The following PDS5A variants were observed in gnomAD, a reference collection of about 807,000 sequenced individuals.
PDS5A encodes the protein PDS5 cohesin associated factor A.
PDS5A carries 42 observed loss-of-function variants against 167.1 expected under a neutral mutation model. The ratio of observed to expected loss-of-function variants is 0.25; its 90% CI spans 0.20 to 0.33. PDS5A has a LOEUF of 0.33. Among genes scored for constraint, PDS5A ranks in the 10% least tolerant of loss-of-function variants. PDS5A has a pLI of 1.00. For missense variants in PDS5A, 1,033 were observed against 1,605.9 expected, an observed-to-expected ratio of 0.64 and a Z score of 6.10; for synonymous variants, 553 against 554.6, an observed-to-expected ratio of 1.00 and a Z score of 0.04.
At chr4:39,878,909 A>C (rs1178448248) in intron 18 of PDS5A, among the ~76,000 whole-genome samples, 2 of 151,654 alleles carry the variant, frequency 1.3e-5, no homozygotes, top group Non-Finnish European at 1.5e-5. Context: ...ACGTCTACCT[A>C]ATTTTTGTAT....
intron 21 of PDS5A, among the ~76,000 whole-genome samples, chr4:39,872,362 A>G (rs1007271286): frequency 6.6e-6 from 1 of 151,800 alleles, no homozygotes; most frequent in African/African-American, 2.4e-5. Flanking sequence ...ATTTCTAACA[A>G]TGTTTGATAA....
chr4:39,849,214 AG>A (rs765008231), intron 27 of PDS5A, among the ~76,000 whole-genome samples: 3 of 152,200 alleles, frequency 2.0e-5, no homozygotes, highest in African/African-American at 7.2e-5. Context: ...ACCAACCCAA[AG>A]AAAGCACACA....
rs549945643 is a variant in PDS5A at position 39,890,237 on chromosome 4, T to A, written c.1886+12A>T. ...ATTATTTATTTTTGAGCGAATATACTTCTTGGCTTACCTTATGGCTTCTGA... is the reference window on the plus strand; with the variant it reads ...ATTATTTATTTTTGAGCGAATATACATCTTGGCTTACCTTATGGCTTCTGA... On this transcript the variant is annotated intron_variant, in intron 17 of 32. Transcript: ENST00000303538. 1.5e-6 allele frequency: 2 copies of A among 1,376,714 alleles called. No homozygotes were observed. Among genetic ancestry groups the A allele is most frequent in the South Asian group, 2.6e-5 (2 of 77,654 alleles). 85.3% of individuals were successfully genotyped at this position (1,376,714 alleles called of 1,614,324 possible). A position where few individuals can be genotyped will look rare whatever the true frequency, so the allele number is the denominator to read the frequency against.
In PDS5A at chr4:39,883,212, C is replaced by A. The variant is rs116278322; in HGVS notation, c.1887-3379G>T. Among the ~76,000 whole-genome samples, 876 of 152,220 alleles carry A rather than the reference C, an allele frequency of 5.8e-3. 7 individuals carry two copies. The highest frequency in any genetic ancestry group is 0.019 in the African/African-American group (806 of 41,508). ...TTAAAAAAAGAAGAAGATGGAGTCT[C>A]ACTTTTTGCCCAGGCTGGAGTGCAA... On this transcript the variant is annotated intron_variant, in intron 17 of 32. Coordinates refer to ENST00000303538, the MANE Select transcript of PDS5A (RefSeq NM_001100399.2).
At chr4:39,943,334 C>A (rs1727414276) in intron 2 of PDS5A, among the ~76,000 whole-genome samples, 1 of 152,034 alleles carries the variant, frequency 6.6e-6, no homozygotes, top group Non-Finnish European at 1.5e-5. Flanking sequence ...GCATAGACTA[C>A]TTGATATATA....
At position 39,977,245 on chromosome 4, in the gene PDS5A, C is replaced by T. The variant is rs545823216; in HGVS notation, c.-41+212G>A. 1.3e-5 allele frequency among the ~76,000 whole-genome samples: 2 copies of T among 152,194 alleles called. No homozygotes were observed. Among genetic ancestry groups the T allele is most frequent in the East Asian group, 3.9e-4 (2 of 5,142 alleles). On this transcript the variant is annotated intron_variant, in intron 1 of 32. Transcript: ENST00000303538. This position sits in a 1 kb window ranked among gnomAD's most constrained non-coding sequence, Gnocchi z 4.2. Reference sequence around the variant, plus strand: ...CCAGGAAGCGGCTGACGCGCCTCCGCACTTCACATTTTGTTCCTTCAACTT... The same window carrying T: ...CCAGGAAGCGGCTGACGCGCCTCCGTACTTCACATTTTGTTCCTTCAACTT...
chr4:39,881,962 C>T (rs1306159843), intron 17 of PDS5A, among the ~76,000 whole-genome samples: 4 of 152,050 alleles, frequency 2.6e-5, no homozygotes, highest in African/African-American at 9.7e-5. Context: ...AAGGGGAGTT[C>T]CCCTGCACAT....
intron 12 of PDS5A, among the ~76,000 whole-genome samples, chr4:39,903,213 G>A (rs565253091): frequency 9.9e-5 from 15 of 152,246 alleles, no homozygotes; most frequent in Non-Finnish European, 1.6e-4. Context: ...TAAAAACAGG[G>A]GGACCCCCCT....
At chr4:39,861,723 T>G (rs1719019766) in intron 26 of PDS5A, among the ~76,000 whole-genome samples, 2 of 152,228 alleles carry the variant, frequency 1.3e-5, no homozygotes, top group Admixed American at 1.3e-4. Flanking sequence ...ATTACTCTGA[T>G]TTTCTCATTA....
intron 9 of PDS5A, 39 bp from the exon 10 acceptor site, chr4:39,910,377 AAAAT>A (rs770205793): frequency 5.1e-6 from 5 of 980,490 alleles, no homozygotes; most frequent in Non-Finnish European, 8.0e-6. Context: ...ATTGTAAGGC[AAAAT>A]AATCACTCTC....
chr4:39,971,429 T>G (rs1325995021), intron 2 of PDS5A, among the ~76,000 whole-genome samples: 1 of 151,978 alleles, frequency 6.6e-6, no homozygotes, highest in Non-Finnish European at 1.5e-5. Context: ...GTGCTGAGAT[T>G]ACAGGCGTGA....
At chr4:39,938,900 T>C (rs963677312) in intron 2 of PDS5A, among the ~76,000 whole-genome samples, 8 of 147,388 alleles carry the variant, frequency 5.4e-5, no homozygotes, top group African/African-American at 2.0e-4. Flanking sequence ...AACCAGGGAG[T>C]CCGAGGTTGC....
chr4:39,912,186 A>C (rs1462160443), intron 9 of PDS5A, among the ~76,000 whole-genome samples: 1 of 152,224 alleles, frequency 6.6e-6, no homozygotes. Context: ...TAACGCTATA[A>C]TTATGGAAAA....
intron 5 of PDS5A, among the ~76,000 whole-genome samples, chr4:39,923,038 A>C (rs1373744071): frequency 6.6e-6 from 1 of 152,156 alleles, no homozygotes; most frequent in Non-Finnish European, 1.5e-5. Context: ...TTTAAAAAGA[A>C]AAGAAAAAGG....
At chr4:39,937,933 C>A (rs1194938762) in intron 2 of PDS5A, among the ~76,000 whole-genome samples, 1 of 152,132 alleles carries the variant, frequency 6.6e-6, no homozygotes, top group Non-Finnish European at 1.5e-5. Flanking sequence ...TGCATAAATT[C>A]AGCCTAAAGG....
chr4:39,873,090 C>A lies in PDS5A; in HGVS notation c.2332G>T (p.Val778Phe). The A allele has an allele frequency of 6.5e-7, 1 of 1,544,782 alleles. No individual in the cohort carries two copies. Among genetic ancestry groups the A allele is most frequent in the Non-Finnish European group, 8.8e-7 (1 of 1,132,890 alleles). Residue 778 changes from valine (V) to phenylalanine (F), a missense_variant, in exon 21 of 33, where the codon GTT becomes TTT. Physicochemically the swap from Val to Phe is conservative, Grantham distance 50. Transcript: ENST00000303538. ...AACATAGAAATGTGGCCCAATGAAA[C>A]TAATGGAGTTATAAGTTGTTCTGGC... ...DVPEQLITPL[V>F]SLGHISMLAP...
At chr4:39,842,425 T>C (rs1717110831) in intron 30 of PDS5A, among the ~76,000 whole-genome samples, 1 of 152,206 alleles carries the variant, frequency 6.6e-6, no homozygotes, top group Non-Finnish European at 1.5e-5. Context: ...ATAGTTGTCA[T>C]TTCCATAGTG....
intron 16 of PDS5A, among the ~76,000 whole-genome samples, chr4:39,891,793 C>T (rs1721994062): frequency 6.6e-6 from 1 of 152,098 alleles, no homozygotes; most frequent in African/African-American, 2.4e-5. Flanking sequence ...TTATGGAAGG[C>T]TGATAGATAA....
At chr4:39,921,992 G>C (rs1725024045) in intron 6 of PDS5A, among the ~76,000 whole-genome samples, 1 of 152,120 alleles carries the variant, frequency 6.6e-6, no homozygotes, top group Middle Eastern at 3.2e-3. Context: ...TCTGATAACA[G>C]GATACTGAAC....
Sources: gnomAD v4.1 joint callset for allele counts (sites outside exome capture counted in the v4.1 genomes callset) on GRCh38, gnomAD v4.1.1 for gene constraint, Gnocchi (gnomAD v3.1) non-coding constraint, MANE v1.5 for transcripts, NCBI Gene and HGNC (gene_info 2026-07-23, HGNC 2026-07-21) for gene names.